The following TNFRSF8 variants were observed in gnomAD, a reference collection of about 807,000 sequenced individuals.
TNFRSF8 encodes TNF receptor superfamily member 8.
TNFRSF8 carries 26 observed loss-of-function variants against 70.8 expected under a neutral mutation model. The ratio of observed to expected loss-of-function variants is 0.37; its 90% CI spans 0.27 to 0.51. The LOEUF (loss-of-function observed/expected upper bound fraction) is 0.51. TNFRSF8 is among the 20% of genes least tolerant of loss of function. TNFRSF8 has a pLI of 0.94. For synonymous variants in TNFRSF8, 356 were observed against 339.2 expected (o/e 1.05, Z -0.54); for missense variants, 720 against 807.9 (o/e 0.89, Z 1.32).
chr1:12,086,054 C>T (rs915637020), intron 2 of TNFRSF8, among the ~76,000 whole-genome samples: 4 of 152,132 alleles, frequency 2.6e-5, no homozygotes, highest in African/African-American at 7.2e-5. Flanking sequence ...GGAGGGCTTC[C>T]GACAGTGGGG....
Position 12,110,247 on chromosome 1 carries a change from C to T in TNFRSF8, c.676+43C>T, listed in dbSNP as rs771639451. On this transcript the variant is annotated intron_variant, in intron 6 of 14. Coordinates refer to ENST00000263932, the MANE Select transcript of TNFRSF8 (RefSeq NM_001243.5). This position sits in a 1 kb window ranked among gnomAD's most constrained non-coding sequence, Gnocchi z 4.0. ...CTGTGGGTCGTCTCCCTGGGGTGCT[C>T]GATTGGTGGATGGCCCATGAGTGGG... 5.4e-5 allele frequency: 83 copies of T among 1,525,584 alleles called. 1 individual carries two copies. In the East Asian group the frequency reaches 1.8e-3, roughly 32 times the overall value. The allele number at this position is 1,525,584 out of a possible 1,614,324, so 94.5% of individuals were successfully genotyped here.
At position 12,125,899 on chromosome 1, in the gene TNFRSF8, G is replaced by GTCTT; in HGVS notation, c.1154-51_1154-48dup. On this transcript the variant is annotated intron_variant, in intron 10 of 14. Coordinates refer to ENST00000263932, the MANE Select transcript of TNFRSF8 (RefSeq NM_001243.5). ...GAGGAAGTCGTCTGGGGCTGGGGCT[G>GTCTT]TCTTGTGTGGTTGCAGCAAGGCAAA... 3 of 1,433,054 alleles carry GTCTT rather than the reference G, an allele frequency of 2.1e-6. No homozygotes were observed. In the East Asian group the frequency reaches 6.8e-5, roughly 33 times the overall value. The allele number at this position is 1,433,054 out of a possible 1,614,324, so 88.8% of individuals were successfully genotyped here.
At chr1:12,128,057 C>T (rs899823243) in intron 12 of TNFRSF8, among the ~76,000 whole-genome samples, 5 of 152,160 alleles carry the variant, frequency 3.3e-5, no homozygotes, top group African/African-American at 4.8e-5. Flanking sequence ...GAGAATGGAC[C>T]GAGCTGGCCG....
chr1:12,135,679 A>T lies in TNFRSF8; in HGVS notation c.1335+66A>T, dbSNP rs1383174263. On this transcript the variant is annotated intron_variant, in intron 13 of 14. Transcript: ENST00000263932. Reference sequence around the variant, plus strand: ...CTAAATCTGACTCCTTCCCTAACAGATCTGAAGTTTTGAGAGCTGCTGGGG... The same window carrying T: ...CTAAATCTGACTCCTTCCCTAACAGTTCTGAAGTTTTGAGAGCTGCTGGGG... 4.4e-6 allele frequency: 7 copies of T among 1,599,002 alleles called. No homozygotes were observed. The African/African-American group carries it at 6.7e-5, about 15-fold the overall frequency.
chr1:12,105,034 A>AC lies in TNFRSF8; in HGVS notation c.421+504dup, dbSNP rs376528723. On this transcript the variant is annotated intron_variant, in intron 4 of 14. Transcript: ENST00000263932. ...CTCTGACTTCTACTTCTCTGATAGTACAAGGTGTCAGGGCTGCTTTTAACC... is the reference window on the plus strand; with the variant it reads ...CTCTGACTTCTACTTCTCTGATAGTACCAAGGTGTCAGGGCTGCTTTTAACC... Among the ~76,000 whole-genome samples the AC allele has an allele frequency of 4.4e-3, 663 of 152,276 alleles. 5 individuals are homozygous for AC. Among genetic ancestry groups the AC allele is most frequent in the African/African-American group, 0.015 (640 of 41,540 alleles).
intron 1 of TNFRSF8, among the ~76,000 whole-genome samples, chr1:12,074,978 C>T (rs562387514): frequency 4.6e-5 from 7 of 152,172 alleles, no homozygotes; most frequent in South Asian, 4.1e-4. Flanking sequence ...TTTGTTAGGC[C>T]GGGCACAGTG....
intron 3 of TNFRSF8, among the ~76,000 whole-genome samples, chr1:12,102,822 C>T (rs1256140295): frequency 3.3e-5 from 5 of 150,306 alleles, no homozygotes; most frequent in East Asian, 1.9e-4. Context: ...CACCACTCCC[C>T]GCCTAGCTGT....
intron 12 of TNFRSF8, among the ~76,000 whole-genome samples, chr1:12,131,063 G>A (rs1022978656): frequency 6.6e-6 from 1 of 152,312 alleles, no homozygotes; most frequent in Admixed American, 6.5e-5. Flanking sequence ...GGAGTGCAGA[G>A]CCATGTTACT....
At chr1:12,073,293 A>G (rs905612277) in intron 1 of TNFRSF8, among the ~76,000 whole-genome samples, 4 of 152,090 alleles carry the variant, frequency 2.6e-5, no homozygotes, top group African/African-American at 9.7e-5. Flanking sequence ...ACAAAAAGTA[A>G]ATACACAAGC....
chr1:12,090,846 G>A (rs990907687), intron 2 of TNFRSF8, among the ~76,000 whole-genome samples: 2 of 152,254 alleles, frequency 1.3e-5, no homozygotes, highest in African/African-American at 2.4e-5. Context: ...AGTCATGCCC[G>A]TATCCCCCAA....
At position 12,063,956 on chromosome 1, in the gene TNFRSF8, C is replaced by T. The variant is rs1211228238; in HGVS notation, c.63+295C>T. The stretch of plus-strand genomic sequence containing the variant: ...CCATACGCGGGAGGCGCTCTTTAGC[C>T]CGCCTACCTGCGGGCCCGTCGGGGT... On this transcript the variant is annotated intron_variant, in intron 1 of 14. Transcript: ENST00000263932. The surrounding 1 kb of genome is among the most constrained non-coding windows in gnomAD (Gnocchi z 7.2). 2.0e-5 allele frequency among the ~76,000 whole-genome samples: 3 copies of T among 152,206 alleles called. No homozygotes were observed. The highest frequency in any genetic ancestry group is 4.4e-5 in the Non-Finnish European group (3 of 68,036).
chr1:12,137,099 C>T (rs986609551), intron 13 of TNFRSF8, among the ~76,000 whole-genome samples: 11 of 151,932 alleles, frequency 7.2e-5, no homozygotes, highest in African/African-American at 1.9e-4. Flanking sequence ...TGACTCTTAG[C>T]GAGTGAAGAA....
chr1:12,142,313 A>G lies in TNFRSF8; in HGVS notation c.1570A>G (p.Thr524Ala). 1 of 1,602,320 alleles carries G rather than the reference A, an allele frequency of 6.2e-7. No individual in the cohort carries two copies. ...IEKIYIMKAD[T>A]VIVGTVKAEL... ...GAAAATCTACATCATGAAGGCTGAC[A>G]CCGTGATCGTGGGGACCGTGAAGGC... The change falls in exon 15 of 15, where the codon ACC (threonine) becomes GCC (alanine). Residue 524 changes from threonine (T) to alanine (A), a missense_variant. Thr to Ala is a moderately conservative substitution (Grantham distance 58, BLOSUM62 0). Coordinates refer to ENST00000263932, the MANE Select transcript of TNFRSF8 (RefSeq NM_001243.5). The surrounding 1 kb of genome is among the most constrained non-coding windows in gnomAD (Gnocchi z 5.0).
chr1:12,075,319 T>C (rs182894730), intron 1 of TNFRSF8, among the ~76,000 whole-genome samples: 1,958 of 151,842 alleles, frequency 0.013, 39 homozygotes, highest in African/African-American at 0.044. Flanking sequence ...CTCCTGGGCT[T>C]AAGCAATCCT....
chr1:12,126,220 C>A lies in TNFRSF8; in HGVS notation c.1293C>A (p.Pro431=). The A allele has an allele frequency of 1.2e-6, 2 of 1,614,162 alleles. No homozygotes were observed. Among genetic ancestry groups the A allele is most frequent in the Non-Finnish European group, 1.7e-6 (2 of 1,180,028 alleles). ...GCTACCCGGTCCAGACCTCCCAGCC[C>A]AAGCTAGAGCTTGTGGGTGAGTGTC... The part of the protein sequence containing the change: ...HLCYPVQTSQ[P]KLELVDSRPR... Residue 431 remains proline, a synonymous_variant, in exon 12 of 15, where the codon CCC becomes CCA. Coordinates refer to ENST00000263932, the MANE Select transcript of TNFRSF8 (RefSeq NM_001243.5).
intron 12 of TNFRSF8, among the ~76,000 whole-genome samples, chr1:12,130,128 G>A (rs1158583236): frequency 5.9e-5 from 9 of 152,234 alleles, no homozygotes; most frequent in Admixed American, 2.0e-4. Flanking sequence ...GGCTGGTCTC[G>A]AACTCCTGGC....
chr1:12,136,271 T>G (rs1642143389), intron 13 of TNFRSF8, among the ~76,000 whole-genome samples: 1 of 152,214 alleles, frequency 6.6e-6, no homozygotes, highest in South Asian at 2.1e-4. Context: ...AGAAATTTCA[T>G]GAAAGAGGTA....
intron 2 of TNFRSF8, among the ~76,000 whole-genome samples, chr1:12,092,849 A>G (rs528498105): frequency 2.0e-5 from 3 of 151,678 alleles, no homozygotes; most frequent in South Asian, 2.1e-4. Flanking sequence ...TCTGTTGCCC[A>G]GGCTGGAGTG....
chr1:12,097,630 A>G (rs1404079724), intron 3 of TNFRSF8, among the ~76,000 whole-genome samples: 2 of 152,082 alleles, frequency 1.3e-5, no homozygotes, highest in Non-Finnish European at 2.9e-5. Flanking sequence ...TTCTTTTCCT[A>G]AGATCACAGG....
Sources: gnomAD v4.1 joint callset for allele counts (sites outside exome capture counted in the v4.1 genomes callset) on GRCh38, gnomAD v4.1.1 for gene constraint, Gnocchi (gnomAD v3.1) non-coding constraint, MANE v1.5 for transcripts, NCBI Gene and HGNC (gene_info 2026-07-23, HGNC 2026-07-21) for gene names.